The following UNC80 variants were observed in gnomAD, a reference collection of about 807,000 sequenced individuals.
UNC80 encodes unc-80 subunit of NALCN channel complex.
UNC80 carries 164 observed loss-of-function variants against 384.6 expected under a neutral mutation model. The ratio of observed to expected loss-of-function variants is 0.43; its 90% confidence interval spans 0.38 to 0.49. UNC80 has a LOEUF of 0.49. Among genes scored for constraint, UNC80 ranks in the 20% least tolerant of loss-of-function variants. UNC80 has a pLI of 0.00. For missense variants in UNC80, 3,330 were observed against 4,143.0 expected (o/e 0.80, Z 5.39); for synonymous variants, 1,486 against 1,527.8 (o/e 0.97, Z 0.64).
chr2:209,952,254 A>T (rs536289188), intron 47 of UNC80, among the ~76,000 whole-genome samples: 2 of 152,192 alleles, frequency 1.3e-5, no homozygotes, highest in African/African-American at 2.4e-5. Flanking sequence ...ATTGCATTAA[A>T]AAAATTAGAA....
At chr2:209,890,363 GC>G (rs759690985) in intron 26 of UNC80, among the ~76,000 whole-genome samples, 5 of 152,128 alleles carry the variant, frequency 3.3e-5, no homozygotes, top group Non-Finnish European at 7.3e-5. Context: ...CAGCAATGTT[GC>G]TAAACACATC....
intron 48 of UNC80, 40 bp downstream of exon 48, chr2:209,954,310 A>G (rs933698796): frequency 1.4e-5 from 19 of 1,380,020 alleles, no homozygotes; most frequent in Non-Finnish European, 1.8e-5. Context: ...CTTACATCAT[A>G]TGTTTCCACT....
intron 22 of UNC80, among the ~76,000 whole-genome samples, chr2:209,866,529 C>CAGAG (rs765928807): frequency 0.012 from 1,493 of 125,970 alleles, 10 homozygotes; most frequent in Non-Finnish European, 0.017. Context: ...CACACACACA[C>CAGAG]ACACAGAGAG....
intron 48 of UNC80, among the ~76,000 whole-genome samples, chr2:209,955,163 G>T (rs1392793351): frequency 1.3e-5 from 2 of 152,014 alleles, no homozygotes; most frequent in East Asian, 3.9e-4. Flanking sequence ...ATTCTGCCAT[G>T]CTGTGTGTCC....
chr2:209,980,887 G>T (rs2093140606), intron 59 of UNC80, among the ~76,000 whole-genome samples: 1 of 152,124 alleles, frequency 6.6e-6, no homozygotes, highest in African/African-American at 2.4e-5. Context: ...TTGGGAAAGG[G>T]CTCTGTAGAA....
At chr2:209,894,436 T>C in intron 27 of UNC80, 70 bp downstream of exon 27, 1 of 873,958 alleles carries the variant, frequency 1.1e-6, no homozygotes, top group Non-Finnish European at 1.4e-6. Flanking sequence ...CCAAAAGAGC[T>C]GAAGTCCATT....
At chr2:209,989,703 A>G (rs2093357062) in intron 61 of UNC80, among the ~76,000 whole-genome samples, 1 of 152,230 alleles carries the variant, frequency 6.6e-6, no homozygotes, top group South Asian at 2.1e-4. Flanking sequence ...CTAGTATTGC[A>G]CATCTTATAG....
chr2:209,887,194 G>A (rs1046971868), intron 25 of UNC80, among the ~76,000 whole-genome samples: 3 of 151,822 alleles, frequency 2.0e-5, no homozygotes, highest in South Asian at 2.1e-4. Context: ...GCGCCACCTC[G>A]CCCGGCTAAT....
intron 35 of UNC80, among the ~76,000 whole-genome samples, chr2:209,926,485 A>G (rs1265253570): frequency 1.3e-5 from 2 of 152,204 alleles, no homozygotes; most frequent in Non-Finnish European, 1.5e-5. Flanking sequence ...CATTAAAATT[A>G]TATTACTGAG....
At chr2:209,840,755 A>AG (rs2081677223) in intron 20 of UNC80, 107 bp downstream of exon 20, 4 of 891,602 alleles carry the variant, frequency 4.5e-6, no homozygotes, top group Non-Finnish European at 6.9e-6. Context: ...GAAAAGCTGA[A>AG]GAAACTCTCC....
In UNC80 at chr2:209,849,510, G is replaced by A. The variant is rs201318495; in HGVS notation, c.3514G>A (p.Val1172Met). 76 of 1,550,870 alleles carry A rather than the reference G, an allele frequency of 4.9e-5. 1 individual carries two copies. Among genetic ancestry groups the A allele is most frequent in the South Asian group, 7.1e-5 (6 of 84,036 alleles). Residue 1172 changes from valine to methionine, a missense_variant, in exon 22 of 65, where the codon GTG (valine) becomes ATG (methionine). Coordinates refer to ENST00000673920, the MANE Select transcript of UNC80 (RefSeq NM_001371986.1). ...PNQDGGKSKN[V>M]VNLGAIRQGM... ...CCAAGATGGTGGAAAAAGCAAAAACGTGGTGAATCTTGGAGCAATCCGACA... is the reference window on the plus strand; with the variant it reads ...CCAAGATGGTGGAAAAAGCAAAAACATGGTGAATCTTGGAGCAATCCGACA...
At chr2:209,774,896 T>C (rs1033785130) in intron 2 of UNC80, among the ~76,000 whole-genome samples, 1 of 152,214 alleles carries the variant, frequency 6.6e-6, no homozygotes, top group African/African-American at 2.4e-5. Flanking sequence ...TCTTTGGATA[T>C]CTCTGTAGTA....
Position 209,881,964 on chromosome 2 carries a change from CTTTTTTTTTTTT to C in UNC80, c.4110+879_4110+890del, listed in dbSNP as rs34822717. 9.4e-4 allele frequency among the ~76,000 whole-genome samples: 123 copies of C among 131,190 alleles called. 2 individuals are homozygous for C. Among genetic ancestry groups the C allele is most frequent in the Non-Finnish European group, 1.8e-4 (11 of 61,454 alleles). 86.1% of individuals were successfully genotyped at this position (131,190 alleles called of 152,430 possible). A position where few individuals can be genotyped will look rare whatever the true frequency, so the allele number is the denominator to read the frequency against. ...AATCCACAATCCACCACCTCTCCTTCTTTTTTTTTTTTTTTTTTTTGAGACGGAGTCTTGCTC... is the reference window on the plus strand; with the variant it reads ...AATCCACAATCCACCACCTCTCCTTCTTTTTTTTGAGACGGAGTCTTGCTC... On this transcript the variant is annotated intron_variant, in intron 25 of 64. Transcript: ENST00000673920.
chr2:209,891,519 A>G (rs1478285889), intron 26 of UNC80, among the ~76,000 whole-genome samples: 1 of 152,104 alleles, frequency 6.6e-6, no homozygotes, highest in Non-Finnish European at 1.5e-5. Flanking sequence ...ACACAATTAA[A>G]CTTCAGCAGA....
intron 29 of UNC80, among the ~76,000 whole-genome samples, chr2:209,911,622 C>T (rs1245206255): frequency 6.6e-6 from 1 of 152,146 alleles, no homozygotes; most frequent in Non-Finnish European, 1.5e-5. Flanking sequence ...AAGCTCTGTT[C>T]AAAAATTCTT....
At chr2:209,914,391 G>T (rs1205016876) in intron 31 of UNC80, among the ~76,000 whole-genome samples, 4 of 152,182 alleles carry the variant, frequency 2.6e-5, no homozygotes, top group Non-Finnish European at 4.4e-5. Flanking sequence ...TAGCTAGTTA[G>T]TGATAGAGGC....
intron 26 of UNC80, among the ~76,000 whole-genome samples, chr2:209,890,304 T>G (rs2086213793): frequency 2.0e-5 from 3 of 152,220 alleles, no homozygotes; most frequent in Non-Finnish European, 2.9e-5. Flanking sequence ...TGCTAATTAC[T>G]TAAGCCAACT....
chr2:209,922,081 C>G (rs1186905264), intron 34 of UNC80, among the ~76,000 whole-genome samples, 171 bp from the exon 35 acceptor site: 1 of 152,172 alleles, frequency 6.6e-6, no homozygotes, highest in Non-Finnish European at 1.5e-5. Flanking sequence ...TATTTTCTGT[C>G]TTTCCTCTGT....
chr2:209,880,816 A>G, intron 24 of UNC80, 145 bp from the exon 25 acceptor site: 1 of 724,618 alleles, frequency 1.4e-6, no homozygotes. Context: ...TGAAGTCCTC[A>G]TATGTAATTG....
Sources: gnomAD v4.1 joint callset for allele counts (sites outside exome capture counted in the v4.1 genomes callset) on GRCh38, gnomAD v4.1.1 for gene constraint, MANE v1.5 for transcripts, NCBI Gene and HGNC (gene_info 2026-07-23, HGNC 2026-07-21) for gene names.